KCNAB1: variants seen among roughly 807,000 people sequenced by gnomAD.
The protein encoded by KCNAB1 is potassium voltage-gated channel subfamily A regulatory beta subunit 1.
KCNAB1 carries 35 observed loss-of-function variants against 64.6 expected under a neutral mutation model. The ratio of observed to expected loss-of-function variants is 0.54; its 90% CI spans 0.41 to 0.72. KCNAB1 has a LOEUF of 0.72. KCNAB1 is among the 30% of genes least tolerant of loss of function. The pLI, the probability that KCNAB1 is intolerant of heterozygous loss-of-function variation, is 0.00. For synonymous variants in KCNAB1, 177 were observed against 183.8 expected, an observed-to-expected ratio of 0.96 and a Z score of 0.30; for missense variants, 401 against 512.9, an observed-to-expected ratio of 0.78 and a Z score of 2.11.
intron 8 of KCNAB1, among the ~76,000 whole-genome samples, chr3:156,492,546 G>C (rs940879939): frequency 6.6e-6 from 1 of 152,018 alleles, no homozygotes; most frequent in Non-Finnish European, 1.5e-5. Flanking sequence ...AGGCACCAGA[G>C]ATGTTAGGGA....
chr3:156,230,047 A>G (rs1042866841), intron 1 of KCNAB1, among the ~76,000 whole-genome samples: 1 of 152,186 alleles, frequency 6.6e-6, no homozygotes, highest in Non-Finnish European at 1.5e-5. Context: ...CTTATTCTTT[A>G]TTATATAAGC....
At chr3:156,177,006 A>AG in intron 1 of KCNAB1, 1 of 615,366 alleles carries the variant, frequency 1.6e-6, no homozygotes, top group South Asian at 2.0e-5. Flanking sequence ...CTCAGTGCAT[A>AG]GGGTCCCTGT....
chr3:156,488,295 T>TA (rs63550661), intron 8 of KCNAB1, among the ~76,000 whole-genome samples: 61,747 of 140,696 alleles, frequency 0.44, 12,997 homozygotes, highest in South Asian at 0.61. Flanking sequence ...ATGGGTGCTA[T>TA]AAAAAAAAAA....
upstream of KCNAB1, among the ~76,000 whole-genome samples, chr3:156,120,167 T>C (rs1351417677): frequency 2.0e-5 from 3 of 152,214 alleles, no homozygotes; most frequent in Admixed American, 6.5e-5. Context: ...ATTAAAACTT[T>C]TAAAACTCCA....
At chr3:156,127,884 G>GATGTGT (rs1553805265) in intron 1 of KCNAB1, among the ~76,000 whole-genome samples, 1 of 147,556 alleles carries the variant, frequency 6.8e-6, no homozygotes, top group Admixed American at 6.8e-5. Flanking sequence ...CTTCATTTGG[G>GATGTGT]GTGTGTGTGT....
intron 12 of KCNAB1, among the ~76,000 whole-genome samples, chr3:156,524,750 A>C (rs1490450776): frequency 2.7e-3 from 20 of 7,408 alleles, no homozygotes; most frequent in Admixed American, 6.0e-3. Context: ...CCATCTCAAA[A>C]AAAAAAAAAA....
chr3:156,295,214 G>T (rs1261940234), intron 1 of KCNAB1, among the ~76,000 whole-genome samples: 2 of 152,118 alleles, frequency 1.3e-5, no homozygotes, highest in African/African-American at 4.8e-5. Context: ...TTCAGTTCCA[G>T]AATTAATGAT....
intron 1 of KCNAB1, among the ~76,000 whole-genome samples, chr3:156,167,407 T>C (rs921608195): frequency 3.9e-5 from 6 of 152,180 alleles, no homozygotes; most frequent in Non-Finnish European, 7.4e-5. Context: ...ATTGTTACGA[T>C]CAAATCACTT....
intron 8 of KCNAB1, among the ~76,000 whole-genome samples, chr3:156,478,592 A>T (rs982501842): frequency 6.6e-6 from 1 of 152,190 alleles, no homozygotes; most frequent in African/African-American, 2.4e-5. Flanking sequence ...GTCAAGGGTC[A>T]TGTGTGTGCC....
chr3:156,342,443 T>C (rs1365254840), intron 1 of KCNAB1, among the ~76,000 whole-genome samples: 1 of 152,088 alleles, frequency 6.6e-6, no homozygotes, highest in Non-Finnish European at 1.5e-5. Flanking sequence ...TAGTTCCCAA[T>C]ACAAAGTTAG....
intron 1 of KCNAB1, among the ~76,000 whole-genome samples, chr3:156,299,265 A>G (rs1720999786): frequency 6.6e-6 from 1 of 152,268 alleles, no homozygotes; most frequent in Non-Finnish European, 1.5e-5. Flanking sequence ...CTACATAGGC[A>G]GAATTTGCAG....
intron 11 of KCNAB1, among the ~76,000 whole-genome samples, chr3:156,519,602 C>A (rs1020506135): frequency 1.3e-5 from 2 of 152,162 alleles, no homozygotes; most frequent in Non-Finnish European, 2.9e-5. Flanking sequence ...AAAATCTGAT[C>A]AGAGAATGGG....
At chr3:156,392,906 C>G (rs1463048578) in intron 1 of KCNAB1, among the ~76,000 whole-genome samples, 1 of 152,204 alleles carries the variant, frequency 6.6e-6, no homozygotes, top group Non-Finnish European at 1.5e-5. Context: ...TGAGATTGGT[C>G]AGTAACTTTA....
chr3:156,218,433 T>C (rs1439747390), intron 1 of KCNAB1, among the ~76,000 whole-genome samples: 1 of 152,126 alleles, frequency 6.6e-6, no homozygotes. Flanking sequence ...AGACAAAGGT[T>C]ATAATCTCTT....
chr3:156,166,183 G>A (rs879848391), intron 1 of KCNAB1, among the ~76,000 whole-genome samples: 1 of 152,202 alleles, frequency 6.6e-6, no homozygotes, highest in African/African-American at 2.4e-5. Flanking sequence ...CAGATGATAT[G>A]CTGTGCTTTA....
At chr3:156,514,169 G>T (rs759574216) in intron 8 of KCNAB1, among the ~76,000 whole-genome samples, 195 bp from the exon 9 acceptor site, 1 of 152,146 alleles carries the variant, frequency 6.6e-6, no homozygotes, top group Non-Finnish European at 1.5e-5. Flanking sequence ...ATGTCAGTTT[G>T]CCCAAAGGTA....
intron 1 of KCNAB1, among the ~76,000 whole-genome samples, chr3:156,369,926 A>G (rs930295361): frequency 2.0e-5 from 3 of 152,228 alleles, no homozygotes; most frequent in African/African-American, 7.2e-5. Flanking sequence ...TTCCCAAACA[A>G]GTCAGTTTTT....
At position 156,136,172 on chromosome 3, in the gene KCNAB1, A is replaced by T. The variant is rs554678749; in HGVS notation, c.275+15286A>T. Among the ~76,000 whole-genome samples the T allele has an allele frequency of 7.9e-4, 120 of 152,358 alleles. 1 individual carries two copies. In the South Asian group the frequency reaches 0.024, roughly 30 times the overall value. ...GGCAGTCCTTGGAGTTGTGCAGTGT[A>T]TGTGGTAACCCTTAGACACTGACAG... On this transcript the variant is annotated intron_variant, in intron 1 of 13. Transcript: ENST00000490337.
chr3:156,208,815 C>T (rs1714833025), intron 1 of KCNAB1, among the ~76,000 whole-genome samples: 1 of 152,174 alleles, frequency 6.6e-6, no homozygotes, highest in Admixed American at 6.5e-5. Flanking sequence ...ATACACAGGG[C>T]AAGCCAAAGG....
Sources: gnomAD v4.1 joint callset for allele counts (sites outside exome capture counted in the v4.1 genomes callset) on GRCh38, gnomAD v4.1.1 for gene constraint, MANE v1.5 for transcripts, NCBI Gene and HGNC (gene_info 2026-07-23, HGNC 2026-07-21) for gene names.